The following ORC5 variants were observed in gnomAD, a reference collection of about 807,000 sequenced individuals.
ORC5 encodes the protein origin recognition complex subunit 5, also known as protein phosphatase 1, regulatory subunit 117.
A neutral mutation model predicts 58.8 loss-of-function variants in ORC5; 39 were observed. That is an observed-to-expected ratio of 0.66 (90% CI 0.51 to 0.87). ORC5 has a LOEUF of 0.87. Among genes scored for constraint, ORC5 ranks in the 40% least tolerant of loss-of-function variants. The pLI is 0.00. For synonymous variants in ORC5, 218 were observed against 177.6 expected, an observed-to-expected ratio of 1.23 and a Z score of -1.81; for missense variants, 493 against 506.3, an observed-to-expected ratio of 0.97 and a Z score of 0.25.
At chr7:104,130,498 AAAG>A (rs1798496732) in intron 13 of ORC5, among the ~76,000 whole-genome samples, 1 of 152,062 alleles carries the variant, frequency 6.6e-6, no homozygotes, top group Non-Finnish European at 1.5e-5. Context: ...TCCTGTGCAA[AAAG>A]CTCTGCTACT....
At chr7:104,143,744 A>T (rs1007240896) in intron 12 of ORC5, among the ~76,000 whole-genome samples, 1 of 152,170 alleles carries the variant, frequency 6.6e-6, no homozygotes, top group African/African-American at 2.4e-5. Context: ...TCACTGAAAA[A>T]CTCAACATAA....
intron 12 of ORC5, among the ~76,000 whole-genome samples, chr7:104,153,068 A>G (rs1019551591): frequency 3.3e-5 from 5 of 152,220 alleles, no homozygotes; most frequent in African/African-American, 1.2e-4. Flanking sequence ...TGAGAACAAG[A>G]AAAACAATCT....
chr7:104,188,183 C>A (rs1799590055), intron 6 of ORC5, 68 bp downstream of exon 6: 2 of 1,081,244 alleles, frequency 1.8e-6, no homozygotes, highest in East Asian at 5.0e-5. Flanking sequence ...TACATATATA[C>A]ACATATATGT....
chr7:104,153,792 T>G (rs1798881428), intron 12 of ORC5, among the ~76,000 whole-genome samples: 1 of 152,168 alleles, frequency 6.6e-6, no homozygotes, highest in Non-Finnish European at 1.5e-5. Context: ...ATCTTACAGC[T>G]AGATTTTAGG....
intron 12 of ORC5, among the ~76,000 whole-genome samples, chr7:104,150,718 G>C (rs1798829835): frequency 6.6e-6 from 1 of 152,142 alleles, no homozygotes; most frequent in Non-Finnish European, 1.5e-5. Context: ...ATAAATGCCT[G>C]TTAGGAGAAT....
At chr7:104,204,302 G>A (rs1304462633) in intron 1 of ORC5, 68 bp from the exon 2 acceptor site, 8 of 916,760 alleles carry the variant, frequency 8.7e-6, no homozygotes, top group Non-Finnish European at 1.4e-5. Context: ...ATCAACTTGT[G>A]AGAAAGTTGT....
At chr7:104,200,636 A>G in intron 3 of ORC5, 122 bp downstream of exon 3, 1 of 648,550 alleles carries the variant, frequency 1.5e-6, no homozygotes, top group South Asian at 2.0e-5. Context: ...ATTTCTGTAT[A>G]CTAAAAGCAC....
intron 13 of ORC5, among the ~76,000 whole-genome samples, chr7:104,130,710 C>T (rs194843): frequency 0.022 from 3,388 of 152,298 alleles, 134 homozygotes; most frequent in African/African-American, 0.076. Context: ...TGCTCTACTT[C>T]TAAAGAAATA....
intron 8 of ORC5, among the ~76,000 whole-genome samples, chr7:104,181,111 CAG>C (rs1239499383): frequency 4.6e-5 from 7 of 152,062 alleles, no homozygotes; most frequent in African/African-American, 4.8e-5. Flanking sequence ...CAAGATCAAA[CAG>C]AACAAAAATT....
chr7:104,158,121 G>A (rs929349256), intron 12 of ORC5, among the ~76,000 whole-genome samples: 1 of 152,030 alleles, frequency 6.6e-6, no homozygotes, highest in African/African-American at 2.4e-5. Context: ...CCACAGCCAA[G>A]CCTCATTTTT....
chr7:104,185,349 G>A (rs935153708), intron 6 of ORC5, among the ~76,000 whole-genome samples: 1 of 151,702 alleles, frequency 6.6e-6, no homozygotes, highest in Non-Finnish European at 1.5e-5. Context: ...AAAACTGCAG[G>A]GTAAAAATGT....
intron 12 of ORC5, among the ~76,000 whole-genome samples, chr7:104,137,370 G>C (rs1266466076): frequency 2.6e-5 from 4 of 151,966 alleles, no homozygotes; most frequent in Non-Finnish European, 5.9e-5. Flanking sequence ...CTCCTGCCTT[G>C]GCCTCCCAAA....
At chr7:104,196,271 G>A (rs1305096618) in intron 4 of ORC5, among the ~76,000 whole-genome samples, 2 of 152,184 alleles carry the variant, frequency 1.3e-5, no homozygotes, top group Non-Finnish European at 2.9e-5. Context: ...ATACCAGATG[G>A]TGAGTTCTAG....
At chr7:104,141,130 C>T (rs194857) in intron 12 of ORC5, among the ~76,000 whole-genome samples, 83,312 of 151,982 alleles carry the variant, frequency 0.55, 24,347 homozygotes, top group East Asian at 0.75. Flanking sequence ...TATTATACTC[C>T]GGCCTGAAAA....
chr7:104,128,656 T>C (rs1324087239), intron 13 of ORC5, among the ~76,000 whole-genome samples: 1 of 146,756 alleles, frequency 6.8e-6, no homozygotes, highest in Non-Finnish European at 1.5e-5. Context: ...GTATATCTCC[T>C]AATGCTATCC....
intron 11 of ORC5, among the ~76,000 whole-genome samples, chr7:104,161,967 GTCGT>G (rs1799032749): frequency 6.6e-6 from 1 of 152,072 alleles, no homozygotes; most frequent in East Asian, 1.9e-4. Context: ...ATTACAGTAA[GTCGT>G]AGCTTAACTT....
chr7:104,131,808 T>C (rs550327502), intron 13 of ORC5, among the ~76,000 whole-genome samples: 156 of 149,556 alleles, frequency 1.0e-3, no homozygotes, highest in African/African-American at 3.8e-3. Flanking sequence ...GCCGAGATCG[T>C]GCCACTGCAC....
At chr7:104,204,375 C>A (rs1334131416) in intron 1 of ORC5, 141 bp from the exon 2 acceptor site, 1 of 610,952 alleles carries the variant, frequency 1.6e-6, no homozygotes, top group Non-Finnish European at 3.0e-6. Context: ...GATGCATCAA[C>A]ACACTTTGAA....
intron 2 of ORC5, among the ~76,000 whole-genome samples, chr7:104,203,869 G>A (rs1800006990): frequency 6.6e-6 from 1 of 152,152 alleles, no homozygotes; most frequent in South Asian, 2.1e-4. Context: ...AGGATTAAAG[G>A]TAGATGGAGA....
Sources: allele counts gnomAD v4.1 joint callset (sites outside exome capture counted in the v4.1 genomes callset), GRCh38; gene constraint gnomAD v4.1.1; transcripts MANE v1.5; gene names NCBI Gene and HGNC (gene_info 2026-07-23, HGNC 2026-07-21).